DNAAF11: variants seen among roughly 807,000 people sequenced by gnomAD.
DNAAF11 encodes dynein axonemal assembly factor 11, also known as leucine rich repeat containing 6.
Under a neutral mutation model 60.8 loss-of-function variants are expected in DNAAF11, and 45 were observed. The ratio of observed to expected loss-of-function variants is 0.74; its 90% CI spans 0.58 to 0.95. The LOEUF is 0.95. Among genes scored for constraint, DNAAF11 ranks in the 40% least tolerant of loss-of-function variants. DNAAF11 has a pLI of 0.00. For synonymous variants in DNAAF11, 191 were observed against 183.5 expected (o/e 1.04, Z -0.33); for missense variants, 546 against 546.2 (o/e 1.00, Z 0.00).
At chr8:132,606,706 G>T (rs1440286294) in intron 10 of DNAAF11, among the ~76,000 whole-genome samples, 1 of 151,984 alleles carries the variant, frequency 6.6e-6, no homozygotes, top group African/African-American at 2.4e-5. Flanking sequence ...GTAGAAATTG[G>T]GCTTCACTAT....
intron 3 of DNAAF11, among the ~76,000 whole-genome samples, chr8:132,650,901 C>G (rs763519297): frequency 1.3e-5 from 2 of 152,168 alleles, no homozygotes; most frequent in Non-Finnish European, 2.9e-5. Context: ...ATAAAAAACC[C>G]TCCAAATGTT....
At chr8:132,696,311 G>A in the DNAAF11 span, among the ~76,000 whole-genome samples, 2 of 152,332 alleles carry the variant, frequency 1.3e-5, no homozygotes, top group Non-Finnish European at 2.9e-5. Flanking sequence ...TGGAGAGGAT[G>A]TGGAGAAACT....
chr8:132,636,651 T>C (rs1821327484), intron 4 of DNAAF11, among the ~76,000 whole-genome samples: 1 of 152,198 alleles, frequency 6.6e-6, no homozygotes, highest in Non-Finnish European at 1.5e-5. Context: ...CCTGGACCCT[T>C]AGCCCTTCCA....
the DNAAF11 span, among the ~76,000 whole-genome samples, chr8:132,687,855 C>A: frequency 2.0e-5 from 3 of 152,148 alleles, no homozygotes; most frequent in Admixed American, 6.6e-5. Context: ...AACTGTGAAG[C>A]AGTCCCCCAG....
At chr8:132,685,273 A>G in the DNAAF11 span, among the ~76,000 whole-genome samples, 1 of 152,226 alleles carries the variant, frequency 6.6e-6, no homozygotes, top group Non-Finnish European at 1.5e-5. Flanking sequence ...CATTAAGTTC[A>G]ACTAATTATG....
At chr8:132,660,310 C>G (rs1359724555) in intron 2 of DNAAF11, among the ~76,000 whole-genome samples, 1 of 151,994 alleles carries the variant, frequency 6.6e-6, no homozygotes, top group Non-Finnish European at 1.5e-5. Context: ...ATGTGCCGTG[C>G]TGGTCTTATG....
intron 11 of DNAAF11, among the ~76,000 whole-genome samples, chr8:132,581,422 G>A (rs986804853): frequency 2.0e-5 from 3 of 152,150 alleles, no homozygotes; most frequent in Non-Finnish European, 4.4e-5. Flanking sequence ...GGCCAAGGCA[G>A]GCGGATCACA....
upstream of DNAAF11, among the ~76,000 whole-genome samples, chr8:132,677,487 C>T (rs956877171): frequency 7.2e-5 from 11 of 152,118 alleles, no homozygotes; most frequent in African/African-American, 2.2e-4. Context: ...AAGGGAGCCA[C>T]TCCAGAACCG....
At chr8:132,655,118 G>A (rs1327142154) in intron 3 of DNAAF11, among the ~76,000 whole-genome samples, 1 of 151,644 alleles carries the variant, frequency 6.6e-6, no homozygotes, top group Non-Finnish European at 1.5e-5. Flanking sequence ...TAATAAGGGA[G>A]TAGTAAAAAC....
chr8:132,603,923 T>C (rs1817889624), intron 10 of DNAAF11, among the ~76,000 whole-genome samples: 2 of 152,026 alleles, frequency 1.3e-5, no homozygotes, highest in Non-Finnish European at 2.9e-5. Flanking sequence ...TCTAGAGGGA[T>C]TGCATACACC....
At chr8:132,685,454 T>A in the DNAAF11 span, among the ~76,000 whole-genome samples, 7 of 152,326 alleles carry the variant, frequency 4.6e-5, no homozygotes, top group Admixed American at 3.9e-4. Context: ...TGCTAATATA[T>A]TCCTAATTAC....
chr8:132,643,215 T>G (rs1245893363), intron 3 of DNAAF11, among the ~76,000 whole-genome samples: 1 of 152,220 alleles, frequency 6.6e-6, no homozygotes, highest in Admixed American at 6.5e-5. Flanking sequence ...GGGACCCCTG[T>G]GCTAGAGAGT....
At chr8:132,658,984 C>T (rs1467636175) in intron 2 of DNAAF11, among the ~76,000 whole-genome samples, 3 of 152,130 alleles carry the variant, frequency 2.0e-5, no homozygotes, top group African/African-American at 4.8e-5. Flanking sequence ...ACTAAGCAGG[C>T]CCACAAACTT....
chr8:132,685,952 A>G, the DNAAF11 span, among the ~76,000 whole-genome samples: 22 of 152,314 alleles, frequency 1.4e-4, no homozygotes, highest in South Asian at 4.6e-3. Flanking sequence ...GGCTGGGAAT[A>G]AAGTGGTAGC....
intron 11 of DNAAF11, among the ~76,000 whole-genome samples, chr8:132,577,475 A>C (rs1814869856): frequency 6.6e-6 from 1 of 152,240 alleles, no homozygotes; most frequent in South Asian, 2.1e-4. Context: ...TATAGGGAAA[A>C]GAATGCCAAC....
intron 1 of DNAAF11, among the ~76,000 whole-genome samples, chr8:132,674,112 CAGG>C (rs1289910379): frequency 0.06 from 2,781 of 46,540 alleles, 105 homozygotes; most frequent in African/African-American, 0.1. Context: ...GGAGGAGGAG[CAGG>C]AGGAGGAGGA....
intron 3 of DNAAF11, among the ~76,000 whole-genome samples, chr8:132,652,065 G>T (rs1823071646): frequency 6.6e-6 from 1 of 152,176 alleles, no homozygotes; most frequent in South Asian, 2.1e-4. Flanking sequence ...ACCCTAGTAG[G>T]CAAATAGGCT....
chr8:132,597,546 C>T (rs1446084642), intron 10 of DNAAF11, among the ~76,000 whole-genome samples: 1 of 152,156 alleles, frequency 6.6e-6, no homozygotes, highest in African/African-American at 2.4e-5. Flanking sequence ...CAATAGATTT[C>T]ATTATTTAAG....
intron 3 of DNAAF11, among the ~76,000 whole-genome samples, chr8:132,654,799 G>T (rs1009201514): frequency 1.3e-5 from 2 of 148,236 alleles, no homozygotes; most frequent in African/African-American, 4.9e-5. Flanking sequence ...AAAATTCATA[G>T]AATTTTATTT....
Sources: allele counts gnomAD v4.1 joint callset (sites outside exome capture counted in the v4.1 genomes callset), GRCh38; gene constraint gnomAD v4.1.1; transcripts MANE v1.5; gene names NCBI Gene and HGNC (gene_info 2026-07-23, HGNC 2026-07-21).